Variants in NDC80 observed in about 807,000 individuals in gnomAD.
NDC80 encodes NDC80 kinetochore complex component.
A neutral mutation model predicts 89.3 loss-of-function variants in NDC80; 69 were observed. The ratio of observed to expected loss-of-function variants is 0.77; its 90% CI spans 0.64 to 0.94. NDC80 has a LOEUF of 0.94. Among genes scored for constraint, NDC80 ranks in the 40% least tolerant of loss-of-function variants. NDC80 has a pLI of 0.00. For synonymous variants in NDC80, 243 were observed against 255.6 expected, an observed-to-expected ratio of 0.95 and a Z score of 0.47; for missense variants, 593 against 739.6, an observed-to-expected ratio of 0.80 and a Z score of 2.30.
At chr18:2,580,254 G>T (rs2072569681) in intron 6 of NDC80, among the ~76,000 whole-genome samples, 2 of 151,196 alleles carry the variant, frequency 1.3e-5, no homozygotes, top group South Asian at 2.1e-4. Context: ...ATTTGCAAGG[G>T]TGCCATTTTG....
At chr18:2,612,176 A>G (rs901979475) in intron 16 of NDC80, among the ~76,000 whole-genome samples, 3 of 150,074 alleles carry the variant, frequency 2.0e-5, no homozygotes, top group Middle Eastern at 3.2e-3. Context: ...TTTATGTGTC[A>G]TTTTACATCT....
chr18:2,603,392 A>G (rs2072694880), intron 13 of NDC80, among the ~76,000 whole-genome samples: 1 of 105,984 alleles, frequency 9.4e-6, no homozygotes, highest in Non-Finnish European at 2.0e-5. Context: ...CCTATGTAAT[A>G]TATATAAGCC....
intron 2 of NDC80, 38 bp downstream of exon 2, chr18:2,573,124 A>G (rs749343448): frequency 6.7e-7 from 1 of 1,492,678 alleles, no homozygotes; most frequent in East Asian, 2.3e-5. Context: ...TGCATGCTTT[A>G]TCATCTTAGG....
chr18:2,590,098 G>A lies in NDC80; in HGVS notation c.951G>A (p.Leu317=), dbSNP rs1235526852. ...VQKYQAYMSN[L]ESHSAILDQK... Reference sequence around the variant, plus strand: ...AGTATCAGGCATACATGAGCAATTTGGAGTCTCATTCAGCCATTCTTGACC... The same window carrying A: ...AGTATCAGGCATACATGAGCAATTTAGAGTCTCATTCAGCCATTCTTGACC... Residue 317 remains leucine, a synonymous_variant, in exon 10 of 17, where the codon TTG becomes TTA. Coordinates refer to ENST00000261597, the MANE Select transcript of NDC80 (RefSeq NM_006101.3). 5.0e-6 allele frequency: 8 copies of A among 1,605,712 alleles called. No individual in the cohort carries two copies. The highest frequency in any genetic ancestry group is 1.1e-5 in the South Asian group (1 of 90,592).
intron 3 of NDC80, 114 bp from the exon 4 acceptor site, chr18:2,577,632 T>A: frequency 3.6e-6 from 4 of 1,125,536 alleles, no homozygotes; most frequent in Non-Finnish European, 5.1e-6. Flanking sequence ...TCTGTTTAGT[T>A]ATAAGAACGT....
chr18:2,596,796 A>G (rs1279186491), intron 11 of NDC80, among the ~76,000 whole-genome samples: 1 of 151,628 alleles, frequency 6.6e-6, no homozygotes, highest in Non-Finnish European at 1.5e-5. Context: ...ACAATGATAG[A>G]CTGGATTAAG....
rs2072609590 is a variant in NDC80, at chr18:2,587,814, C to T, written c.670-16C>T. On this transcript the variant is annotated splice_polypyrimidine_tract_variant and intron_variant, in intron 7 of 16. Transcript: ENST00000261597. ...AGAATCATAACTTTGTTTCTAAAAT[C>T]TGCTTAACCCCATAGTTGTTTTTGG... is the stretch of plus-strand genomic sequence containing the variant. 2 of 1,593,248 alleles carry T rather than the reference C, an allele frequency of 1.3e-6. No individual in the cohort carries two copies. The highest frequency in any genetic ancestry group is 8.6e-7 in the Non-Finnish European group (1 of 1,162,336).
At chr18:2,611,176 G>T (rs1387229124) in intron 16 of NDC80, among the ~76,000 whole-genome samples, 1 of 149,998 alleles carries the variant, frequency 6.7e-6, no homozygotes, top group East Asian at 2.0e-4. Flanking sequence ...AGCCTCCCAA[G>T]TACCTGGGAT....
At chr18:2,582,527 T>G (rs2072583688) in intron 6 of NDC80, 1 of 152,256 alleles carries the variant, frequency 6.6e-6, no homozygotes, top group Admixed American at 6.5e-5. Context: ...TGAATTGCTT[T>G]ATTACAACTA....
intron 11 of NDC80, among the ~76,000 whole-genome samples, chr18:2,598,780 G>A (rs1292151952): frequency 6.6e-6 from 1 of 152,098 alleles, no homozygotes; most frequent in Non-Finnish European, 1.5e-5. Flanking sequence ...ATAAATGGAA[G>A]ATAGTAGTAC....
intron 4 of NDC80, 50 bp downstream of exon 4, chr18:2,577,919 C>T (rs757804125): frequency 6.8e-6 from 11 of 1,608,598 alleles, no homozygotes; most frequent in Non-Finnish European, 9.3e-6. Flanking sequence ...AGGTATTTTC[C>T]AATAATTTTC....
At chr18:2,585,311 T>C in intron 7 of NDC80, 109 bp downstream of exon 7, 1 of 780,048 alleles carries the variant, frequency 1.3e-6, no homozygotes, top group Non-Finnish European at 2.0e-6. Flanking sequence ...ATAAACCGAC[T>C]GTAAGGTGAA....
intron 3 of NDC80, among the ~76,000 whole-genome samples, chr18:2,576,046 C>T (rs1487761446): frequency 6.6e-6 from 1 of 152,166 alleles, no homozygotes; most frequent in Non-Finnish European, 1.5e-5. Context: ...CTCCGGTGAG[C>T]CAGGTTAGCA....
At chr18:2,605,712 A>G (rs1437278741) in intron 13 of NDC80, among the ~76,000 whole-genome samples, 1 of 151,670 alleles carries the variant, frequency 6.6e-6, no homozygotes. Context: ...ATGTGTGTAG[A>G]ATTATCCTTT....
chr18:2,575,701 G>A (rs1410085438), intron 3 of NDC80, among the ~76,000 whole-genome samples: 1 of 152,026 alleles, frequency 6.6e-6, no homozygotes, highest in Middle Eastern at 3.2e-3. Context: ...AAGGCGGGCA[G>A]ATCACTTGAG....
At chr18:2,577,580 T>A (rs962617760) in intron 3 of NDC80, among the ~76,000 whole-genome samples, 166 bp from the exon 4 acceptor site, 1 of 152,254 alleles carries the variant, frequency 6.6e-6, no homozygotes, top group East Asian at 1.9e-4. Context: ...CATATTTTAC[T>A]CTTCGTTATT....
intron 3 of NDC80, among the ~76,000 whole-genome samples, chr18:2,576,183 A>G (rs1481581862): frequency 6.6e-6 from 1 of 152,250 alleles, no homozygotes; most frequent in East Asian, 1.9e-4. Context: ...TGAGAACTCC[A>G]CAGAGCTTTT....
At chr18:2,599,292 T>C (rs2072672492) in intron 12 of NDC80, 121 bp downstream of exon 12, 1 of 716,464 alleles carries the variant, frequency 1.4e-6, no homozygotes, top group East Asian at 3.1e-5. Context: ...TGAAACTGTA[T>C]CTTCTTTCTT....
intron 14 of NDC80, among the ~76,000 whole-genome samples, chr18:2,607,736 G>A (rs2072719654): frequency 1.3e-5 from 2 of 151,360 alleles, no homozygotes; most frequent in South Asian, 2.1e-4. Flanking sequence ...TGTATAAAAT[G>A]GGAACTGAAA....
Sources: gnomAD v4.1 joint callset for allele counts (sites outside exome capture counted in the v4.1 genomes callset) on GRCh38, gnomAD v4.1.1 for gene constraint, MANE v1.5 for transcripts, NCBI Gene and HGNC (gene_info 2026-07-23, HGNC 2026-07-21) for gene names.